Variants in FARP1 observed in about 807,000 individuals in gnomAD.
The protein encoded by FARP1 is FERM, ARHGEF and pleckstrin domain-containing protein 1.
In FARP1, 52 loss-of-function variants were observed where a neutral mutation model predicts 128.8. The observed-to-expected ratio is 0.40, with a 90% CI of 0.32 to 0.51. FARP1 has a LOEUF of 0.51. Among genes scored for constraint, FARP1 ranks in the 20% least tolerant of loss-of-function variants. The probability of loss-of-function intolerance (pLI) is 0.45; values close to 1 mark genes in which losing one functional copy is unlikely to be tolerated. For synonymous variants in FARP1, 580 were observed against 551.8 expected (o/e 1.05, Z -0.72); for missense variants, 1,333 against 1,367.9 (o/e 0.97, Z 0.40).
chr13:98,356,483 A>G (rs1004151878), intron 3 of FARP1, among the ~76,000 whole-genome samples: 2 of 152,202 alleles, frequency 1.3e-5, no homozygotes, highest in African/African-American at 4.8e-5. Context: ...TATGCGGTGC[A>G]TGACTGTTTC....
intron 2 of FARP1, among the ~76,000 whole-genome samples, chr13:98,303,176 A>G (rs1184795636): frequency 6.6e-6 from 1 of 152,244 alleles, no homozygotes; most frequent in African/African-American, 2.4e-5. Flanking sequence ...TGAAATGTCC[A>G]GAAAAGTCAA....
chr13:98,433,597 T>C (rs1892132616), intron 18 of FARP1: 1 of 152,380 alleles, frequency 6.6e-6, no homozygotes, highest in Non-Finnish European at 1.5e-5. Context: ...CATGCACCTA[T>C]AGTGCCGGCT....
intron 2 of FARP1, among the ~76,000 whole-genome samples, chr13:98,293,282 G>T (rs1885527656): frequency 1.3e-5 from 2 of 152,300 alleles, no homozygotes; most frequent in South Asian, 2.1e-4. Flanking sequence ...AGCTAAGGAG[G>T]TCTGTGAGAA....
intron 11 of FARP1, among the ~76,000 whole-genome samples, chr13:98,391,136 G>A (rs1428450490): frequency 6.6e-6 from 1 of 152,178 alleles, no homozygotes; most frequent in Non-Finnish European, 1.5e-5. Context: ...TGGGGAAGGA[G>A]AGAAGGGCTT....
intron 1 of FARP1, among the ~76,000 whole-genome samples, chr13:98,205,133 G>A (rs1291505018): frequency 6.6e-6 from 1 of 152,164 alleles, no homozygotes; most frequent in African/African-American, 2.4e-5. Flanking sequence ...CTGCCCAAAT[G>A]ATTCCTTCCT....
At chr13:98,158,137 T>C (rs1876622954) in intron 1 of FARP1, among the ~76,000 whole-genome samples, 1 of 152,268 alleles carries the variant, frequency 6.6e-6, no homozygotes, top group Non-Finnish European at 1.5e-5. Context: ...TTTTCTGCTT[T>C]GAACTTCTCT....
intron 2 of FARP1, chr13:98,341,149 A>G (rs1887957343): frequency 6.6e-6 from 1 of 151,842 alleles, no homozygotes; most frequent in South Asian, 2.1e-4. Context: ...TCTGTTAAAA[A>G]AAAAAAAGTA....
intron 1 of FARP1, among the ~76,000 whole-genome samples, chr13:98,200,078 G>T (rs1380207774): frequency 3.9e-5 from 6 of 152,188 alleles, no homozygotes; most frequent in Non-Finnish European, 4.4e-5. Context: ...CAAAGCCAAA[G>T]TATTGACTTA....
rs201909278 is a variant in FARP1 at position 98,343,815 on chromosome 13, C to G, written c.225C>G (p.Leu75=). 1.2e-6 allele frequency: 2 copies of G among 1,614,048 alleles called. No individual in the cohort carries two copies. Among genetic ancestry groups the G allele is most frequent in the Admixed American group, 1.7e-5 (1 of 60,020 alleles). Residue 75 remains leucine, a synonymous_variant, in exon 3 of 27, where the codon CTC becomes CTG. Transcript: ENST00000319562. The part of the protein sequence containing the change: ...LLDAVCNHLN[L]VEGDYFGLEF... Reference sequence around the variant, plus strand: ...ATGCAGTTTGCAACCACCTCAACCTCGTGGAAGGTGACTATTTTGGCCTCG... The same window carrying G: ...ATGCAGTTTGCAACCACCTCAACCTGGTGGAAGGTGACTATTTTGGCCTCG...
At chr13:98,277,485 T>C (rs1281701378) in intron 2 of FARP1, among the ~76,000 whole-genome samples, 1 of 152,158 alleles carries the variant, frequency 6.6e-6, no homozygotes, top group Admixed American at 6.5e-5. Flanking sequence ...AATTAACATC[T>C]ACAAAGAGAT....
chr13:98,384,945 G>A, intron 7 of FARP1, 101 bp downstream of exon 7: 2 of 727,028 alleles, frequency 2.8e-6, no homozygotes, highest in Non-Finnish European at 4.9e-6. Flanking sequence ...AACTATTGTG[G>A]AGAACAACAC....
chr13:98,161,405 C>T (rs1429074671), intron 1 of FARP1, among the ~76,000 whole-genome samples: 4 of 151,170 alleles, frequency 2.6e-5, no homozygotes, highest in Non-Finnish European at 5.9e-5. Context: ...TTAGTAGAGA[C>T]GGGGTTTCAC....
intron 1 of FARP1, among the ~76,000 whole-genome samples, chr13:98,196,090 G>C (rs115906535): frequency 0.014 from 2,068 of 152,240 alleles, 48 homozygotes; most frequent in African/African-American, 0.047. Flanking sequence ...TTGATAATTT[G>C]ATAGGTTTTC....
intron 17 of FARP1, among the ~76,000 whole-genome samples, 153 bp from the exon 18 acceptor site, chr13:98,430,888 AAG>A (rs1333149808): frequency 4.6e-5 from 7 of 152,246 alleles, no homozygotes; most frequent in African/African-American, 9.6e-5. Context: ...AAATAACAAA[AAG>A]AGTGAACTAT....
At chr13:98,145,549 C>A (rs541326774) in intron 1 of FARP1, among the ~76,000 whole-genome samples, 12 of 132,088 alleles carry the variant, frequency 9.1e-5, no homozygotes, top group Non-Finnish European at 2.1e-4. Flanking sequence ...CCTGGAGGAA[C>A]GTTTTTGTTT....
rs1340728793 is a variant in FARP1, at chr13:98,431,208, C to G, written c.2071C>G (p.His691Asp). ...FLLRPLHRLM[H>D]YKQVLERLCK... ...CCTGCGGCCACTGCACCGGCTCATG[C>G]ACTACAAGCAGGTCCTGGAGCGGCT... Residue 691 changes from histidine to aspartate, a missense_variant, in exon 18 of 27, where the codon CAC (histidine) becomes GAC (aspartate). Coordinates refer to ENST00000319562, the MANE Select transcript of FARP1 (RefSeq NM_005766.4). 23 of 1,608,542 alleles carry G rather than the reference C, an allele frequency of 1.4e-5. No homozygotes were observed. Among genetic ancestry groups the G allele is most frequent in the Non-Finnish European group, 1.9e-5 (22 of 1,177,598 alleles).
At chr13:98,370,288 A>T (rs1594454548) in intron 5 of FARP1, among the ~76,000 whole-genome samples, 1 of 152,132 alleles carries the variant, frequency 6.6e-6, no homozygotes, top group African/African-American at 2.4e-5. Flanking sequence ...GCATGGCAGG[A>T]GTGTTGGGAG....
chr13:98,291,470 T>C (rs1486034673), intron 2 of FARP1, among the ~76,000 whole-genome samples: 1 of 152,216 alleles, frequency 6.6e-6, no homozygotes, highest in Non-Finnish European at 1.5e-5. Context: ...TATTTGGGTC[T>C]GTGAAACTGG....
intron 2 of FARP1, among the ~76,000 whole-genome samples, chr13:98,214,942 T>C (rs1880972712): frequency 6.6e-6 from 1 of 152,206 alleles, no homozygotes; most frequent in African/African-American, 2.4e-5. Flanking sequence ...TTCGTTTCAG[T>C]GTTTCCTGTT....
Sources: gnomAD v4.1 joint callset for allele counts (sites outside exome capture counted in the v4.1 genomes callset) on GRCh38, gnomAD v4.1.1 for gene constraint, MANE v1.5 for transcripts, NCBI Gene and HGNC (gene_info 2026-07-23, HGNC 2026-07-21) for gene names.